SERTAD2: variants seen among roughly 807,000 people sequenced by gnomAD.
The protein encoded by SERTAD2 is SERTA domain-containing protein 2.
In SERTAD2, 2 loss-of-function variants were observed where a neutral mutation model predicts 15.4. The observed-to-expected ratio is 0.13, with a 90% CI of 0.05 to 0.41. SERTAD2 has a LOEUF of 0.41. Ranked by LOEUF, SERTAD2 falls within the 10% of genes least tolerant of loss-of-function variation. The pLI is 0.99. For missense variants in SERTAD2, 333 were observed against 409.7 expected, an observed-to-expected ratio of 0.81 and a Z score of 1.62; for synonymous variants, 180 against 178.0, an observed-to-expected ratio of 1.01 and a Z score of -0.09.
At chr2:64,649,634 T>A (rs979633653) in intron 1 of SERTAD2, among the ~76,000 whole-genome samples, 1 of 152,198 alleles carries the variant, frequency 6.6e-6, no homozygotes, top group African/African-American at 2.4e-5. Flanking sequence ...AGCTACAGGT[T>A]TTTGTAAAGT....
In SERTAD2 at chr2:64,636,396, G is replaced by A. The variant is rs1674658611; in HGVS notation, c.476C>T (p.Pro159Leu). 4 of 1,614,230 alleles carry A rather than the reference G, an allele frequency of 2.5e-6. No homozygotes were observed. The highest frequency in any genetic ancestry group is 2.2e-5 in the South Asian group (2 of 91,088). The change falls in exon 2 of 2, where the codon CCT becomes CTT. Residue 159 changes from proline to leucine, a missense_variant. Pro to Leu is a moderately conservative substitution (Grantham distance 98). This residue lies in a region of SERTAD2 where 332 missense variants were observed against 392.9 expected (regional missense o/e 0.84). Coordinates refer to ENST00000313349, the MANE Select transcript of SERTAD2 (RefSeq NM_014755.3). ...GTCCTTTTCTGGCAAGAGGGCTGGAGGTGACAGTTTGGTGGGAGCCGTGGG... is the reference window on the plus strand; with the variant it reads ...GTCCTTTTCTGGCAAGAGGGCTGGAAGTGACAGTTTGGTGGGAGCCGTGGG... Reference protein sequence around the residue: ...MQPTAPTKLSPPALLPEKDSF... With the variant: ...MQPTAPTKLSLPALLPEKDSF...
intron 1 of SERTAD2, among the ~76,000 whole-genome samples, chr2:64,650,992 G>A (rs574011089): frequency 4.6e-5 from 7 of 152,160 alleles, no homozygotes; most frequent in Admixed American, 6.5e-5. Context: ...ATTGCAACTA[G>A]AGCTATCTCC....
In SERTAD2 at chr2:64,636,168, G is replaced by A. The variant is rs142888260; in HGVS notation, c.704C>T (p.Thr235Met). The A allele has an allele frequency of 4.1e-4, 662 of 1,614,060 alleles. 1 individual carries two copies. The highest frequency in any genetic ancestry group is 5.2e-4 in the Non-Finnish European group (608 of 1,180,044). Residue 235 changes from threonine to methionine, a missense_variant, in exon 2 of 2, where the codon ACG becomes ATG. This residue lies in a region of SERTAD2 where 332 missense variants were observed against 392.9 expected (regional missense o/e 0.84). Transcript: ENST00000313349. Reference protein sequence around the residue: ...LPGNFEITTSTGFLTDLTLDD... With the variant: ...LPGNFEITTSMGFLTDLTLDD... Reference sequence around the variant, plus strand: ...CAGGGTCAAGTCTGTCAGGAAACCCGTGGACGTCGTTATTTCAAAATTCCC... The same window carrying A: ...CAGGGTCAAGTCTGTCAGGAAACCCATGGACGTCGTTATTTCAAAATTCCC...
At chr2:64,643,595 A>G (rs1454829799) in intron 1 of SERTAD2, among the ~76,000 whole-genome samples, 1 of 152,244 alleles carries the variant, frequency 6.6e-6, no homozygotes, top group Non-Finnish European at 1.5e-5. Flanking sequence ...TTCGCAGGGC[A>G]AGGTGGCTCA....
Position 64,647,852 on chromosome 2 carries a change from T to A in SERTAD2, c.-5+5768A>T, listed in dbSNP as rs184847165. On this transcript the variant is annotated intron_variant, in intron 1 of 1. Coordinates refer to ENST00000313349, the MANE Select transcript of SERTAD2 (RefSeq NM_014755.3). ...ATAAAACTAAGGAATAAAAGTAAAGTATGCTACTTCAAGAAATGCTTCAAT... is the reference window on the plus strand; with the variant it reads ...ATAAAACTAAGGAATAAAAGTAAAGAATGCTACTTCAAGAAATGCTTCAAT... 2.2e-3 allele frequency among the ~76,000 whole-genome samples: 338 copies of A among 152,304 alleles called. 2 individuals are homozygous for A. Among genetic ancestry groups the A allele is most frequent in the Non-Finnish European group, 4.2e-3 (284 of 68,010 alleles).
chr2:64,640,615 C>T (rs770116399), intron 1 of SERTAD2, among the ~76,000 whole-genome samples: 10 of 151,894 alleles, frequency 6.6e-5, no homozygotes, highest in Non-Finnish European at 1.2e-4. Context: ...GTGTAGGTGA[C>T]TCTAGGGAGG....
chr2:64,645,962 A>ATTTTTTTTCTT (rs1326340305), intron 1 of SERTAD2, among the ~76,000 whole-genome samples: 6 of 152,178 alleles, frequency 3.9e-5, no homozygotes, highest in African/African-American at 1.2e-4. Context: ...AATTAGAAAA[A>ATTTTTTTTCTT]TGCTTTGTTT....
intron 1 of SERTAD2, among the ~76,000 whole-genome samples, chr2:64,637,423 C>T (rs1674684698): frequency 6.6e-6 from 1 of 152,216 alleles, no homozygotes; most frequent in African/African-American, 2.4e-5. Context: ...GCTTTTCCTT[C>T]CTCATTAAGC....
intron 1 of SERTAD2, among the ~76,000 whole-genome samples, chr2:64,643,370 G>A (rs542006119): frequency 2.6e-4 from 40 of 152,366 alleles, no homozygotes; most frequent in Admixed American, 8.5e-4. Flanking sequence ...GTGTACGGGC[G>A]GCTAGTGGGG....
In SERTAD2 at chr2:64,634,559, G is replaced by T. The variant is rs957423998; in HGVS notation, c.*1368C>A. On this transcript the variant is annotated 3_prime_UTR_variant, in exon 2 of 2. Coordinates refer to ENST00000313349, the MANE Select transcript of SERTAD2 (RefSeq NM_014755.3). Reference sequence around the variant, plus strand: ...ACACATGTTGTAAGAGTGCATCCCGGGCCGGCCGAGGCGAGCCAAGCTCAC... The same window carrying T: ...ACACATGTTGTAAGAGTGCATCCCGTGCCGGCCGAGGCGAGCCAAGCTCAC... 2 of 152,040 alleles carry T rather than the reference G, an allele frequency of 1.3e-5. No individual in the cohort carries two copies. Among genetic ancestry groups the T allele is most frequent in the African/African-American group, 4.8e-5 (2 of 41,286 alleles). The allele number at this position is 152,040 out of a possible 1,614,324, so 9.4% of individuals were successfully genotyped here. A position where few individuals can be genotyped will look rare whatever the true frequency, so the allele number is the denominator to read the frequency against.
At chr2:64,638,398 G>T (rs1045079616) in intron 1 of SERTAD2, among the ~76,000 whole-genome samples, 1 of 152,188 alleles carries the variant, frequency 6.6e-6, no homozygotes. Flanking sequence ...TCACCATTTT[G>T]AATTTCAAGT....
chr2:64,637,473 A>G (rs1312542183), intron 1 of SERTAD2, among the ~76,000 whole-genome samples: 2 of 152,228 alleles, frequency 1.3e-5, no homozygotes, highest in African/African-American at 4.8e-5. Flanking sequence ...GTGGTGAAGC[A>G]CTGCACCTGT....
chr2:64,633,364 G>A lies in SERTAD2; in HGVS notation c.*2563C>T, dbSNP rs1674578806. 6.6e-6 allele frequency: 1 copy of A among 152,178 alleles called. No homozygotes were observed. The highest frequency in any genetic ancestry group is 2.1e-4 in the South Asian group (1 of 4,836). 9.4% of individuals were successfully genotyped at this position (152,178 alleles called of 1,614,324 possible). A position where few individuals can be genotyped will look rare whatever the true frequency, so the allele number is the denominator to read the frequency against. On this transcript the variant is annotated 3_prime_UTR_variant, in exon 2 of 2. Coordinates refer to ENST00000313349, the MANE Select transcript of SERTAD2 (RefSeq NM_014755.3). ...ATAAGAGTCAGAGAACCAAGTTTGG[G>A]CAACACTTCTCCGTGCTTATTTGAA...
chr2:64,643,365 C>T (rs866910448), intron 1 of SERTAD2, among the ~76,000 whole-genome samples: 2 of 152,206 alleles, frequency 1.3e-5, no homozygotes, highest in Non-Finnish European at 2.9e-5. Context: ...CCGTGGTGTA[C>T]GGGCGGCTAG....
Position 64,642,128 on chromosome 2 carries a change from A to G in SERTAD2, c.-4-5253T>C, listed in dbSNP as rs778534377. 5.9e-5 allele frequency among the ~76,000 whole-genome samples: 9 copies of G among 152,242 alleles called. 1 individual carries two copies. Among genetic ancestry groups the G allele is most frequent in the Admixed American group, 2.0e-4 (3 of 15,288 alleles). On this transcript the variant is annotated intron_variant, in intron 1 of 1. Coordinates refer to ENST00000313349, the MANE Select transcript of SERTAD2 (RefSeq NM_014755.3). ...TATTTGTGTCTAATTTAGCAGGACA[A>G]AAAGGAATGAACAGCATTTTTGTGA...
Position 64,636,511 on chromosome 2 carries a change from C to A in SERTAD2, c.361G>T (p.Gly121Ter). Residue 121 changes from glycine (G) to a stop codon, truncating the protein, a stop_gained, in exon 2 of 2, where the codon GGA (glycine) becomes TGA (stop). Coordinates refer to ENST00000313349, the MANE Select transcript of SERTAD2 (RefSeq NM_014755.3). LOFTEE classifies it high-confidence loss of function. ...CAGGCCTCCAGGGGCGTAGTGCTTC[C>A]GAGGTCGCAGGGGTGGGAGGACGGG... ...ASPSSHPCDL[G>*]STTPLEACLT... The A allele has an allele frequency of 6.2e-7, 1 of 1,607,230 alleles. No homozygotes were observed.
chr2:64,648,637 A>C (rs1212520092), intron 1 of SERTAD2, among the ~76,000 whole-genome samples: 2 of 152,040 alleles, frequency 1.3e-5, no homozygotes, highest in Non-Finnish European at 2.9e-5. Context: ...AATGGTCTTC[A>C]TGGAAAGCCT....
chr2:64,646,252 T>C (rs1314232496), intron 1 of SERTAD2, among the ~76,000 whole-genome samples: 1 of 152,214 alleles, frequency 6.6e-6, no homozygotes, highest in Non-Finnish European at 1.5e-5. Flanking sequence ...TTTGTACTCT[T>C]CCTTTTACTT....
At chr2:64,643,141 G>C (rs1187655727) in intron 1 of SERTAD2, among the ~76,000 whole-genome samples, 2 of 152,216 alleles carry the variant, frequency 1.3e-5, no homozygotes, top group Admixed American at 6.5e-5. Flanking sequence ...CTGGTGCGGG[G>C]ACAGACGGGG....
Sources: gnomAD v4.1 joint callset for allele counts (sites outside exome capture counted in the v4.1 genomes callset) on GRCh38, gnomAD v4.1.1 for gene constraint, gnomAD v4.1.1 regional missense constraint, MANE v1.5 for transcripts, NCBI Gene and HGNC (gene_info 2026-07-23, HGNC 2026-07-21) for gene names.